COL27A1: variants seen among roughly 807,000 people sequenced by gnomAD.
COL27A1 encodes collagen type XXVII alpha 1 chain, also known as collagen alpha-1(XXVII) chain.
In COL27A1, 106 loss-of-function variants were observed where a neutral mutation model predicts 251.3. The observed-to-expected ratio is 0.42, with a 90% confidence interval of 0.36 to 0.50. The LOEUF (loss-of-function observed/expected upper bound fraction) is 0.50. Among genes scored for constraint, COL27A1 ranks in the 20% least tolerant of loss-of-function variants. The pLI is 0.00. For synonymous variants in COL27A1, 1,000 were observed against 986.3 expected (o/e 1.01, Z -0.26); for missense variants, 2,325 against 2,522.8 (o/e 0.92, Z 1.68).
Position 114,211,005 on chromosome 9 carries a change from G to A in COL27A1, c.2346G>A (p.Lys782=), listed in dbSNP as rs1830317894. ...AGGGCCTGCCTGGCGTTCCTGGCAAGAGGGGCAAGATGGGTATGCCGGTAA... is the reference window on the plus strand; with the variant it reads ...AGGGCCTGCCTGGCGTTCCTGGCAAAAGGGGCAAGATGGGTATGCCGGTAA... ...GERGLPGVPG[K]RGKMGMPGFP... The change falls in exon 12 of 61, where the codon AAG becomes AAA. Residue 782 remains lysine (K), a synonymous_variant. Transcript: ENST00000356083. 8 of 1,614,136 alleles carry A rather than the reference G, an allele frequency of 5.0e-6. No homozygotes were observed. Among genetic ancestry groups the A allele is most frequent in the African/African-American group, 1.3e-5 (1 of 74,960 alleles).
chr9:114,231,972 T>G, intron 16 of COL27A1, 106 bp downstream of exon 16: 1 of 1,062,582 alleles, frequency 9.4e-7, no homozygotes, highest in Non-Finnish European at 1.4e-6. Context: ...CCCTGCACTC[T>G]TCCTGCCTCT....
intron 12 of COL27A1, among the ~76,000 whole-genome samples, chr9:114,219,356 G>T (rs1830927780): frequency 1.3e-5 from 2 of 152,182 alleles, no homozygotes; most frequent in Non-Finnish European, 1.5e-5. Flanking sequence ...TCACTGGGTG[G>T]CTTTTGAAGA....
chr9:114,210,374 G>A (rs1009100989), intron 11 of COL27A1, among the ~76,000 whole-genome samples: 19 of 152,200 alleles, frequency 1.2e-4, no homozygotes, highest in African/African-American at 4.3e-4. Flanking sequence ...CAGATCAGTT[G>A]GTTTACTTGA....
chr9:114,187,191 C>T (rs1828412581), intron 5 of COL27A1, among the ~76,000 whole-genome samples: 2 of 152,288 alleles, frequency 1.3e-5, no homozygotes, highest in Admixed American at 6.5e-5. Flanking sequence ...TGGGCCAGGC[C>T]CTGTGCTGGG....
chr9:114,216,116 AGTT>A (rs1365745579), intron 12 of COL27A1, among the ~76,000 whole-genome samples: 5 of 152,166 alleles, frequency 3.3e-5, no homozygotes, highest in African/African-American at 9.6e-5. Context: ...TATTCCTCTG[AGTT>A]GTTGTGGCCA....
At chr9:114,264,245 G>T in intron 28 of COL27A1, 110 bp from the exon 29 acceptor site, 2 of 777,150 alleles carry the variant, frequency 2.6e-6, no homozygotes, top group Non-Finnish European at 3.9e-6. Flanking sequence ...GGAGGGGGCC[G>T]GAGCTTGTGC....
Position 114,252,798 on chromosome 9 carries a change from C to T in COL27A1, c.3088-81C>T. ...TAGCTGCTGTCCTCCTGGCTTTGCA[C>T]TGGGGCTGAGCCGACCGAGGTGGGA... On this transcript the variant is annotated intron_variant, in intron 26 of 60. Coordinates refer to ENST00000356083, the MANE Select transcript of COL27A1 (RefSeq NM_032888.4). 6 of 1,494,588 alleles carry T rather than the reference C, an allele frequency of 4.0e-6. No individual in the cohort carries two copies. The Admixed American group carries it at 6.7e-5, about 17-fold the overall frequency. 92.6% of individuals were successfully genotyped at this position (1,494,588 alleles called of 1,614,324 possible).
In COL27A1 at chr9:114,210,965, C is replaced by T. The variant is rs375296921; in HGVS notation, c.2323-17C>T. 1.5e-5 allele frequency: 24 copies of T among 1,613,998 alleles called. No homozygotes were observed. Among genetic ancestry groups the T allele is most frequent in the Non-Finnish European group, 5.1e-6 (6 of 1,179,950 alleles). On this transcript the variant is annotated splice_polypyrimidine_tract_variant and intron_variant, in intron 11 of 60. Coordinates refer to ENST00000356083, the MANE Select transcript of COL27A1 (RefSeq NM_032888.4). ...CTGGCATCCTGCCCTGACCTCTCCC[C>T]TGTCTCTCCCCTGCAGGGCCTGCCT...
chr9:114,277,655 C>T (rs770591359), intron 37 of COL27A1, among the ~76,000 whole-genome samples: 4 of 152,320 alleles, frequency 2.6e-5, no homozygotes, highest in Middle Eastern at 3.4e-3. Context: ...CAGGAGGCTT[C>T]CCCCAGGCTT....
intron 14 of COL27A1, 40 bp downstream of exon 14, chr9:114,222,307 G>A: frequency 1.3e-6 from 2 of 1,586,524 alleles, no homozygotes; most frequent in Non-Finnish European, 1.7e-6. Flanking sequence ...TGGGTGTTGA[G>A]GAGACTCAGG....
intron 25 of COL27A1, among the ~76,000 whole-genome samples, 183 bp from the exon 26 acceptor site, chr9:114,252,410 T>C (rs1468412936): frequency 6.6e-6 from 1 of 152,162 alleles, no homozygotes; most frequent in East Asian, 1.9e-4. Flanking sequence ...CTTGGCTTCC[T>C]CTGAGTGAAA....
In COL27A1 at chr9:114,282,644, C is replaced by T. The variant is rs62555442; in HGVS notation, c.3879+80C>T. ...GGGCAGGAAAGGAGACACCAGGCTT[C>T]TCTGTGCTGTTATCACCCACCCCAG... On this transcript the variant is annotated intron_variant, in intron 39 of 60. Transcript: ENST00000356083. The T allele has an allele frequency of 2.4e-3, 2,172 of 922,748 alleles. 1 individual carries two copies. Among genetic ancestry groups the T allele is most frequent in the Non-Finnish European group, 3.1e-3 (1,931 of 625,882 alleles). 57.2% of individuals were successfully genotyped at this position (922,748 alleles called of 1,614,324 possible).
At chr9:114,297,034 G>T (rs1391616281) in intron 49 of COL27A1, among the ~76,000 whole-genome samples, 1 of 152,178 alleles carries the variant, frequency 6.6e-6, no homozygotes, top group Non-Finnish European at 1.5e-5. Context: ...TAGATCAATG[G>T]CTCCTGGAGA....
intron 13 of COL27A1, among the ~76,000 whole-genome samples, chr9:114,220,318 G>A (rs1415007221): frequency 6.6e-6 from 1 of 152,212 alleles, no homozygotes; most frequent in Non-Finnish European, 1.5e-5. Flanking sequence ...CCCAGGCTCT[G>A]TTCCCCGAGG....
At position 114,302,085 on chromosome 9, in the gene COL27A1, C is replaced by G; in HGVS notation, c.4849C>G (p.Pro1617Ala). 6.2e-7 allele frequency: 1 copy of G among 1,612,752 alleles called. No homozygotes were observed. Among genetic ancestry groups the G allele is most frequent in the Non-Finnish European group, 8.5e-7 (1 of 1,178,748 alleles). ...GACCCGCAGTCTTCTTTTGCAGGGTCCTCCAGGGGGTCCTATCCAATTGGT... is the reference window on the plus strand; with the variant it reads ...GACCCGCAGTCTTCTTTTGCAGGGTGCTCCAGGGGGTCCTATCCAATTGGT... ...GPRGRPGPPG[P>A]PGGPIQLQQD... Residue 1617 changes from proline to alanine, a missense_variant, in exon 56 of 61, where the codon CCT becomes GCT. Pro to Ala is a conservative substitution (Grantham distance 27). Coordinates refer to ENST00000356083, the MANE Select transcript of COL27A1 (RefSeq NM_032888.4).
chr9:114,222,114 G>A, intron 13 of COL27A1, 109 bp from the exon 14 acceptor site: 1 of 943,788 alleles, frequency 1.1e-6, no homozygotes, highest in Non-Finnish European at 1.7e-6. Context: ...AATAAGGAGT[G>A]TTCAGCTCTG....
intron 56 of COL27A1, among the ~76,000 whole-genome samples, chr9:114,303,242 CTT>C (rs71367759): frequency 6.1e-5 from 8 of 132,184 alleles, no homozygotes; most frequent in Admixed American, 7.8e-5. Context: ...TTTTTCTTTT[CTT>C]TTTTTTTTTT....
intron 7 of COL27A1, among the ~76,000 whole-genome samples, chr9:114,198,411 C>T (rs1829311576): frequency 6.6e-6 from 1 of 152,166 alleles, no homozygotes; most frequent in South Asian, 2.1e-4. Context: ...GTGCAGTCTA[C>T]AGCAGTGGCT....
At chr9:114,286,166 C>T (rs190307011) in intron 41 of COL27A1, among the ~76,000 whole-genome samples, 21 of 152,218 alleles carry the variant, frequency 1.4e-4, no homozygotes, top group African/African-American at 4.8e-5. Context: ...AAAAATAGGG[C>T]GAGTCCCATG....
Sources: allele counts gnomAD v4.1 joint callset (sites outside exome capture counted in the v4.1 genomes callset), GRCh38; gene constraint gnomAD v4.1.1; transcripts MANE v1.5; gene names NCBI Gene and HGNC (gene_info 2026-07-23, HGNC 2026-07-21).